ELMO1: variants seen among roughly 807,000 people sequenced by gnomAD.
The protein encoded by ELMO1 is engulfment and cell motility protein 1.
ELMO1 carries 26 observed loss-of-function variants against 98.9 expected under a neutral mutation model. The observed-to-expected ratio is 0.26, with a 90% CI of 0.19 to 0.36. The LOEUF is 0.36. ELMO1 is among the 10% of genes least tolerant of loss of function. The pLI, the probability that ELMO1 is intolerant of heterozygous loss-of-function variation, is 1.00. For missense variants in ELMO1, 627 were observed against 935.2 expected (o/e 0.67, Z 4.30); for synonymous variants, 346 against 346.0 (o/e 1.00, Z 0.00).
rs1427841240 is a variant in ELMO1, at chr7:36,901,453, C to T, written c.1438-6436G>A. On this transcript the variant is annotated intron_variant, in intron 16 of 21. Coordinates refer to ENST00000310758, the MANE Select transcript of ELMO1 (RefSeq NM_014800.11). ...CTGCAATTACTCAAGCCTACCATGG[C>T]AACTTATATAATGACAGACAATATA... Among the ~76,000 whole-genome samples the T allele has an allele frequency of 2.0e-5, 3 of 152,156 alleles. No homozygotes were observed. The East Asian group carries it at 5.8e-4, about 29-fold the overall frequency.
At chr7:37,135,967 A>G (rs758739207) in intron 13 of ELMO1, among the ~76,000 whole-genome samples, 6 of 152,234 alleles carry the variant, frequency 3.9e-5, no homozygotes, top group Non-Finnish European at 8.8e-5. Context: ...AATTTAAAGA[A>G]ATAAAAAACA....
At chr7:37,414,196 CATT>C (rs1420584584) in intron 1 of ELMO1, among the ~76,000 whole-genome samples, 5 of 134,684 alleles carry the variant, frequency 3.7e-5, no homozygotes, top group Non-Finnish European at 8.6e-5. Context: ...AATTAGAAAA[CATT>C]ATTTGATATT....
At chr7:37,289,775 C>CT (rs5883594) in intron 4 of ELMO1, among the ~76,000 whole-genome samples, 127,620 of 151,648 alleles carry the variant, frequency 0.84, 54,957 homozygotes, top group Non-Finnish European at 0.94. Flanking sequence ...TCTATTTTCT[C>CT]TTTTTTTTGC....
At chr7:37,292,863 C>A (rs796689945) in intron 4 of ELMO1, among the ~76,000 whole-genome samples, 7,363 of 104,780 alleles carry the variant, frequency 0.07, 322 homozygotes, top group South Asian at 0.14. Context: ...GCCACCCCTA[C>A]TGGGAAGTGA....
chr7:37,040,878 C>G (rs1338384738), intron 15 of ELMO1, among the ~76,000 whole-genome samples: 3 of 152,010 alleles, frequency 2.0e-5, no homozygotes, highest in Non-Finnish European at 2.9e-5. Flanking sequence ...GGAGTTTAGA[C>G]CAGCCTATCC....
intron 4 of ELMO1, among the ~76,000 whole-genome samples, chr7:37,292,750 C>T (rs376680434): frequency 1.0e-5 from 1 of 100,452 alleles, no homozygotes; most frequent in African/African-American, 3.7e-5. Flanking sequence ...GGGGTCAGCC[C>T]CCCGCCCGGC....
chr7:37,082,451 C>T (rs946796057), intron 15 of ELMO1, among the ~76,000 whole-genome samples: 2 of 152,112 alleles, frequency 1.3e-5, no homozygotes, highest in Middle Eastern at 3.2e-3. Context: ...TGTCTGTAAT[C>T]CCAGCACTTT....
intron 10 of ELMO1, among the ~76,000 whole-genome samples, chr7:37,219,442 C>T (rs1007742346): frequency 8.5e-5 from 13 of 152,308 alleles, no homozygotes; most frequent in African/African-American, 3.1e-4. Context: ...GAAGTGGAAT[C>T]AGGCTACTCC....
chr7:36,946,816 A>G (rs1057507155), intron 16 of ELMO1, among the ~76,000 whole-genome samples: 6 of 152,076 alleles, frequency 3.9e-5, no homozygotes, highest in African/African-American at 1.4e-4. Context: ...CGGTGAGATC[A>G]TCTATTCAAA....
chr7:37,272,725 T>C (rs1186587243), intron 4 of ELMO1, among the ~76,000 whole-genome samples: 1 of 149,680 alleles, frequency 6.7e-6, no homozygotes, highest in Admixed American at 6.6e-5. Flanking sequence ...TGCTATAACA[T>C]GGATGAACCT....
intron 1 of ELMO1, among the ~76,000 whole-genome samples, chr7:37,367,736 GAAACAAACAAAC>G (rs372938037): frequency 6.6e-6 from 1 of 151,936 alleles, no homozygotes; most frequent in Non-Finnish European, 1.5e-5. Context: ...GTCCCTACCA[GAAACAAACAAAC>G]AAACAAACAA....
chr7:37,064,319 G>A (rs1796833618), intron 15 of ELMO1, among the ~76,000 whole-genome samples: 1 of 152,204 alleles, frequency 6.6e-6, no homozygotes, highest in Non-Finnish European at 1.5e-5. Context: ...TGAACCATTG[G>A]TATGGAGCTT....
At chr7:37,178,103 T>G (rs1194566818) in intron 13 of ELMO1, among the ~76,000 whole-genome samples, 3 of 152,002 alleles carry the variant, frequency 2.0e-5, no homozygotes, top group Admixed American at 6.6e-5. Flanking sequence ...ATTAGCAGTA[T>G]GTTAGTCCGT....
chr7:37,186,459 T>C lies in ELMO1; in HGVS notation c.1086+24927A>G, dbSNP rs186911735. Among the ~76,000 whole-genome samples the C allele has an allele frequency of 8.5e-5, 13 of 152,190 alleles. No homozygotes were observed. The East Asian group carries it at 1.7e-3, about 20-fold the overall frequency. On this transcript the variant is annotated intron_variant, in intron 13 of 21. Transcript: ENST00000310758. ...ATAAAAATAAAAAACAAACTAGATA[T>C]ATATCAAAATAAAAATCAAATTTAA...
At chr7:36,951,757 C>G (rs1420911433) in intron 16 of ELMO1, among the ~76,000 whole-genome samples, 1 of 152,226 alleles carries the variant, frequency 6.6e-6, no homozygotes, top group Non-Finnish European at 1.5e-5. Context: ...ACTTCTTACG[C>G]TTGAGACCAC....
chr7:37,322,536 G>A (rs1343672051), intron 2 of ELMO1, among the ~76,000 whole-genome samples: 3 of 151,548 alleles, frequency 2.0e-5, no homozygotes, highest in Non-Finnish European at 2.9e-5. Context: ...CAGAAAAATC[G>A]CTTGAATCTG....
intron 15 of ELMO1, among the ~76,000 whole-genome samples, chr7:37,062,138 C>A (rs1239970744): frequency 6.6e-6 from 1 of 152,138 alleles, no homozygotes; most frequent in Non-Finnish European, 1.5e-5. Context: ...CATTAATATG[C>A]AAATGTTAGG....
intron 1 of ELMO1, among the ~76,000 whole-genome samples, chr7:37,394,469 G>A (rs1267863650): frequency 6.6e-6 from 1 of 152,194 alleles, no homozygotes; most frequent in Non-Finnish European, 1.5e-5. Flanking sequence ...TGAAGGGTTG[G>A]AAGCCAAGTG....
At chr7:37,258,157 AC>A (rs1294853306) in intron 6 of ELMO1, among the ~76,000 whole-genome samples, 2 of 152,230 alleles carry the variant, frequency 1.3e-5, no homozygotes, top group African/African-American at 4.8e-5. Context: ...AGTCCTAGCT[AC>A]TCGGGAGCCT....
Sources: gnomAD v4.1 joint callset for allele counts (sites outside exome capture counted in the v4.1 genomes callset) on GRCh38, gnomAD v4.1.1 for gene constraint, MANE v1.5 for transcripts, NCBI Gene and HGNC (gene_info 2026-07-23, HGNC 2026-07-21) for gene names.